The following DDX60L variants were observed in gnomAD, a reference collection of about 807,000 sequenced individuals.
The protein encoded by DDX60L is DExD/H-box 60 like.
A neutral mutation model predicts 211.6 loss-of-function variants in DDX60L; 191 were observed. That is an observed-to-expected ratio of 0.90 (90% confidence interval 0.80 to 1.02). The LOEUF (loss-of-function observed/expected upper bound fraction) is 1.02, where lower values mean the gene tolerates loss of function less well. Among genes scored for constraint, DDX60L ranks in the 50% least tolerant of loss-of-function variants. DDX60L has a pLI of 0.00. For missense variants in DDX60L, 2,007 were observed against 1,984.1 expected, an observed-to-expected ratio of 1.01 and a Z score of -0.22; for synonymous variants, 706 against 694.1, an observed-to-expected ratio of 1.02 and a Z score of -0.27.
intron 26 of DDX60L, among the ~76,000 whole-genome samples, chr4:168,397,983 A>C (rs1579372915): frequency 6.6e-6 from 1 of 152,160 alleles, no homozygotes; most frequent in East Asian, 1.9e-4. Flanking sequence ...GAATAGCTGC[A>C]GCCACCCAAG....
intron 32 of DDX60L, 144 bp downstream of exon 32, chr4:168,379,219 G>T: frequency 4.8e-6 from 3 of 622,334 alleles, no homozygotes; most frequent in Admixed American, 3.9e-5. Context: ...TAATTTTTTG[G>T]CATCTGTAAA....
At chr4:168,473,741 C>A (rs1759110694) in intron 1 of DDX60L, among the ~76,000 whole-genome samples, 2 of 152,062 alleles carry the variant, frequency 1.3e-5, no homozygotes, top group Non-Finnish European at 1.5e-5. Flanking sequence ...TCTGGGTCAC[C>A]CCCAAAATAA....
At chr4:168,417,712 G>GTC (rs1749802155) in intron 19 of DDX60L, among the ~76,000 whole-genome samples, 2 of 152,174 alleles carry the variant, frequency 1.3e-5, no homozygotes, top group South Asian at 4.1e-4. Flanking sequence ...CTAGCACAGA[G>GTC]TAGGTACTCA....
intron 2 of DDX60L, 23 bp from the exon 3 acceptor site, chr4:168,472,547 A>C: frequency 1.9e-6 from 3 of 1,576,632 alleles, no homozygotes; most frequent in Non-Finnish European, 2.6e-6. Context: ...AGATTTTTTG[A>C]GCCATCAATA....
chr4:168,480,001 A>AAAAAAG (rs199636956), intron 1 of DDX60L, among the ~76,000 whole-genome samples: 11 of 140,382 alleles, frequency 7.8e-5, no homozygotes, highest in Non-Finnish European at 1.1e-4. Flanking sequence ...AAAAAAAAAA[A>AAAAAAG]AGCTTAAATA....
intron 35 of DDX60L, among the ~76,000 whole-genome samples, chr4:168,372,520 G>C (rs1297992494): frequency 6.7e-6 from 1 of 149,666 alleles, no homozygotes; most frequent in Non-Finnish European, 1.5e-5. Flanking sequence ...GGGCCCAGGA[G>C]TTCAAGATCA....
chr4:168,430,337 T>C, intron 13 of DDX60L, 141 bp downstream of exon 13: 2 of 666,038 alleles, frequency 3.0e-6, no homozygotes, highest in Non-Finnish European at 4.6e-6. Flanking sequence ...GGTATATCTT[T>C]CTAGCAATGT....
At chr4:168,478,979 A>G (rs1421206405) in intron 1 of DDX60L, among the ~76,000 whole-genome samples, 1 of 152,254 alleles carries the variant, frequency 6.6e-6, no homozygotes, top group Non-Finnish European at 1.5e-5. Context: ...TACAGCAATT[A>G]CTAAGTAAGA....
chr4:168,402,042 T>G (rs779185330), intron 25 of DDX60L, among the ~76,000 whole-genome samples: 7 of 151,840 alleles, frequency 4.6e-5, no homozygotes, highest in Non-Finnish European at 8.8e-5. Flanking sequence ...AAGGAAATTT[T>G]AAAATGTCTT....
At chr4:168,413,297 A>G (rs771830236) in intron 22 of DDX60L, among the ~76,000 whole-genome samples, 21 of 152,210 alleles carry the variant, frequency 1.4e-4, no homozygotes, top group Non-Finnish European at 2.8e-4. Context: ...TATTACCCTG[A>G]TATCAAAACA....
intron 24 of DDX60L, among the ~76,000 whole-genome samples, chr4:168,405,071 T>A (rs1341679303): frequency 6.6e-6 from 1 of 151,970 alleles, no homozygotes; most frequent in African/African-American, 2.4e-5. Context: ...TACAGTGGCA[T>A]GATCTTGGCT....
chr4:168,467,299 C>T lies in DDX60L; in HGVS notation c.264+4448G>A, dbSNP rs567606057. ...TGCCACACGCCTGTAGTCCCAGCTACTCAGGAGGCTGAGGTGGGAGGTTCA... is the reference window on the plus strand; with the variant it reads ...TGCCACACGCCTGTAGTCCCAGCTATTCAGGAGGCTGAGGTGGGAGGTTCA... On this transcript the variant is annotated intron_variant, in intron 4 of 37. Coordinates refer to ENST00000682922, the MANE Select transcript of DDX60L (RefSeq NM_001012967.3). Among the ~76,000 whole-genome samples the T allele has an allele frequency of 5.9e-5, 9 of 152,116 alleles. No homozygotes were observed. In the East Asian group the frequency reaches 1.7e-3, roughly 29 times the overall value.
intron 29 of DDX60L, 72 bp from the exon 30 acceptor site, chr4:168,384,884 C>T: frequency 7.1e-7 from 1 of 1,407,774 alleles, no homozygotes; most frequent in Non-Finnish European, 9.8e-7. Flanking sequence ...AGATTTATGA[C>T]TTTACACTTG....
chr4:168,432,554 G>T lies in DDX60L; in HGVS notation c.1417C>A (p.Pro473Thr). The change falls in exon 12 of 38, where the codon CCT (proline) becomes ACT (threonine). Residue 473 changes from proline (P) to threonine (T), a missense_variant. Coordinates refer to ENST00000682922, the MANE Select transcript of DDX60L (RefSeq NM_001012967.3). ...PILKSDDPVV[P>T]SLFKQKTSDE... ...GATGTCTTTTGTTTAAACAGTGAAGGAACAACCGGATCATCACTGTAAAAA... is the reference window on the plus strand; with the variant it reads ...GATGTCTTTTGTTTAAACAGTGAAGTAACAACCGGATCATCACTGTAAAAA... 1 of 1,574,986 alleles carries T rather than the reference G, an allele frequency of 6.3e-7. No homozygotes were observed.
chr4:168,380,696 T>C (rs536611526), intron 30 of DDX60L: 4 of 152,328 alleles, frequency 2.6e-5, no homozygotes, highest in African/African-American at 7.2e-5. Flanking sequence ...TAAAGATATC[T>C]GAAAATGTGG....
intron 6 of DDX60L, among the ~76,000 whole-genome samples, chr4:168,457,220 AAAAAC>A (rs1177406977): frequency 9.9e-5 from 15 of 151,558 alleles, no homozygotes; most frequent in East Asian, 9.7e-4. Flanking sequence ...TGTCTGAAAA[AAAAAC>A]AAAACAAAAC....
rs369404080 is a variant in DDX60L, at chr4:168,400,939, C to T, written c.3378G>A (p.Val1126=). ...TCTCTGTCTTCTCCAGAAAAGTGCA[C>T]ACACTTCCAGCTCTTTTTCCCACAT... ...NDDVGKRAGS[V]CTFLEKTETK... Residue 1126 remains valine, a synonymous_variant, in exon 26 of 38, where the codon GTG becomes GTA. Coordinates refer to ENST00000682922, the MANE Select transcript of DDX60L (RefSeq NM_001012967.3). 3 of 1,613,616 alleles carry T rather than the reference C, an allele frequency of 1.9e-6. No homozygotes were observed. The highest frequency in any genetic ancestry group is 2.5e-6 in the Non-Finnish European group (3 of 1,179,748).
Position 168,394,569 on chromosome 4 carries a change from C to A in DDX60L, c.3706G>T (p.Glu1236Ter). 3 of 1,613,588 alleles carry A rather than the reference C, an allele frequency of 1.9e-6. No homozygotes were observed. Among genetic ancestry groups the A allele is most frequent in the Non-Finnish European group, 2.5e-6 (3 of 1,179,656 alleles). ...CCCCTTTGTGCTAAAGCCTTCAGTT[C>A]TTTGCCGTGTCTTGTAAATCGCACT... ...PRVRFTRHGK[E>*]LKALAQRGIG... The change falls in exon 28 of 38, where the codon GAA (glutamate) becomes TAA (stop). Residue 1236 changes from glutamate to a stop codon, truncating the protein, a stop_gained. Transcript: ENST00000682922. LOFTEE classifies it high-confidence loss of function.
rs192286132 is a variant in DDX60L at position 168,405,891 on chromosome 4, T to G, written c.3213+59A>C. On this transcript the variant is annotated intron_variant, in intron 24 of 37. Transcript: ENST00000682922. Reference sequence around the variant, plus strand: ...AAAACATTTATTGGCTAAATTATTATGCAACTCCAAACAATTAACAATTAA... The same window carrying G: ...AAAACATTTATTGGCTAAATTATTAGGCAACTCCAAACAATTAACAATTAA... 226 of 1,470,198 alleles carry G rather than the reference T, an allele frequency of 1.5e-4. 1 individual carries two copies. In the African/African-American group the frequency reaches 3.0e-3, roughly 20 times the overall value. The allele number at this position is 1,470,198 out of a possible 1,614,324, so 91.1% of individuals were successfully genotyped here.
Sources: allele counts gnomAD v4.1 joint callset (sites outside exome capture counted in the v4.1 genomes callset), GRCh38; gene constraint gnomAD v4.1.1; transcripts MANE v1.5; gene names NCBI Gene and HGNC (gene_info 2026-07-23, HGNC 2026-07-21).